Variants in NRSN1 observed in about 807,000 individuals in gnomAD.
NRSN1 encodes neurensin-1.
A neutral mutation model predicts 17.3 loss-of-function variants in NRSN1; 14 were observed. The observed-to-expected ratio is 0.81, with a 90% confidence interval of 0.54 to 1.27. The LOEUF is 1.27. Ranked by LOEUF, NRSN1 falls within the 50% of genes most tolerant of loss-of-function variation. The pLI, the probability that NRSN1 is intolerant of heterozygous loss-of-function variation, is 0.00. For synonymous variants in NRSN1, 79 were observed against 94.2 expected (o/e 0.84, Z 0.93); for missense variants, 209 against 235.9 (o/e 0.89, Z 0.75).
intron 3 of NRSN1, among the ~76,000 whole-genome samples, chr6:24,144,491 T>C (rs564371437): frequency 6.6e-6 from 1 of 152,234 alleles, no homozygotes; most frequent in South Asian, 2.1e-4. Context: ...ATGTGGGCTC[T>C]GGTTGGGTGA....
At chr6:24,141,860 G>A (rs187082268) in intron 3 of NRSN1, among the ~76,000 whole-genome samples, 163 of 152,290 alleles carry the variant, frequency 1.1e-3, no homozygotes, top group African/African-American at 3.7e-3. Context: ...GGGGAGGCAA[G>A]ACAGACACAC....
chr6:24,145,427 T>C lies in NRSN1; in HGVS notation c.190-121T>C. ...ATTAAGTAAGTGTTTCCTGCAAATTTGGGGTAACTGGGAATATTCATTTCT... is the reference window on the plus strand; with the variant it reads ...ATTAAGTAAGTGTTTCCTGCAAATTCGGGGTAACTGGGAATATTCATTTCT... On this transcript the variant is annotated intron_variant, in intron 3 of 3. Coordinates refer to ENST00000378491, the MANE Select transcript of NRSN1 (RefSeq NM_080723.5). The surrounding 1 kb of genome is among the most constrained non-coding windows in gnomAD (Gnocchi z 4.4). 1.5e-6 allele frequency: 1 copy of C among 667,950 alleles called. No homozygotes were observed. The highest frequency in any genetic ancestry group is 2.4e-6 in the Non-Finnish European group (1 of 417,914). The allele number at this position is 667,950 out of a possible 1,614,324, so 41.4% of individuals were successfully genotyped here. A position where few individuals can be genotyped will look rare whatever the true frequency, so the allele number is the denominator to read the frequency against.
intron 2 of NRSN1, among the ~76,000 whole-genome samples, chr6:24,130,961 C>A (rs1453292745): frequency 6.6e-6 from 1 of 152,148 alleles, no homozygotes; most frequent in African/African-American, 2.4e-5. Context: ...AATCTCCTGA[C>A]CAGTAAGTTG....
chr6:24,139,432 T>C (rs1251933756), intron 3 of NRSN1, among the ~76,000 whole-genome samples: 3 of 152,142 alleles, frequency 2.0e-5, no homozygotes, highest in Non-Finnish European at 4.4e-5. Flanking sequence ...ATTCAAGAGA[T>C]TTTTATGAGA....
intron 3 of NRSN1, among the ~76,000 whole-genome samples, chr6:24,136,287 A>G (rs544429791): frequency 1.2e-3 from 178 of 152,322 alleles, no homozygotes; most frequent in Non-Finnish European, 2.1e-3. Context: ...CTTAAATGGG[A>G]AAAAAAGTTG....
chr6:24,127,788 A>G (rs1409565344), intron 1 of NRSN1, among the ~76,000 whole-genome samples: 1 of 152,204 alleles, frequency 6.6e-6, no homozygotes, highest in Non-Finnish European at 1.5e-5. Context: ...TTAAATTTAG[A>G]ATTTGTAAAA....
chr6:24,138,994 T>C (rs932652208), intron 3 of NRSN1, among the ~76,000 whole-genome samples: 1 of 152,216 alleles, frequency 6.6e-6, no homozygotes, highest in Non-Finnish European at 1.5e-5. Flanking sequence ...ATCTATTCTT[T>C]CAGCAATTTT....
intron 3 of NRSN1, among the ~76,000 whole-genome samples, chr6:24,142,791 T>C (rs1433193550): frequency 6.6e-6 from 1 of 151,850 alleles, no homozygotes; most frequent in Non-Finnish European, 1.5e-5. Flanking sequence ...GGACCCAGAG[T>C]CAGCAGCAGC....
intron 3 of NRSN1, among the ~76,000 whole-genome samples, chr6:24,137,240 G>A (rs1760130451): frequency 6.6e-6 from 1 of 152,180 alleles, no homozygotes; most frequent in East Asian, 1.9e-4. Flanking sequence ...AATGAGAAAG[G>A]AGATTGAAAT....
chr6:24,141,311 T>C, intron 3 of NRSN1: 1 of 1,186,356 alleles, frequency 8.4e-7, no homozygotes, highest in Non-Finnish European at 1.1e-6. Flanking sequence ...CCTCAATTTT[T>C]ATCCTTTCCA....
chr6:24,134,389 A>G lies in NRSN1; in HGVS notation c.62A>G (p.Tyr21Cys). ...RQAQAAAEGG[Y>C]QRYGVRSYLH... ...GCACAGGCTGCAGCTGAGGGTGGTTACCAGCGCTATGGAGTCCGGTCCTAC... is the reference window on the plus strand; with the variant it reads ...GCACAGGCTGCAGCTGAGGGTGGTTGCCAGCGCTATGGAGTCCGGTCCTAC... Residue 21 changes from tyrosine (Y) to cysteine (C), a missense_variant, in exon 3 of 4, where the codon TAC becomes TGC. By Grantham distance (194) the Tyr-to-Cys change is radical. Coordinates refer to ENST00000378491, the MANE Select transcript of NRSN1 (RefSeq NM_080723.5). The G allele has an allele frequency of 1.2e-6, 2 of 1,614,104 alleles. No individual in the cohort carries two copies.
chr6:24,136,948 A>C (rs1273117889), intron 3 of NRSN1, among the ~76,000 whole-genome samples: 1 of 152,232 alleles, frequency 6.6e-6, no homozygotes, highest in Admixed American at 6.5e-5. Flanking sequence ...CTCCTAAGGA[A>C]TATGAGTGAA....
intron 3 of NRSN1, among the ~76,000 whole-genome samples, chr6:24,139,717 T>C (rs1197287330): frequency 2.6e-5 from 4 of 152,114 alleles, no homozygotes; most frequent in African/African-American, 9.7e-5. Context: ...AGCTTCCAAT[T>C]AAACGCTAAA....
intron 3 of NRSN1, among the ~76,000 whole-genome samples, chr6:24,143,465 G>T (rs1284478160): frequency 6.6e-6 from 1 of 152,102 alleles, no homozygotes; most frequent in Admixed American, 6.5e-5. Context: ...TCCCATTTTT[G>T]CTAGGGTGAT....
intron 3 of NRSN1, among the ~76,000 whole-genome samples, chr6:24,135,436 G>GTT (rs1760102660): frequency 2.0e-5 from 3 of 152,184 alleles, no homozygotes; most frequent in African/African-American, 7.2e-5. Flanking sequence ...CAATCTGGTT[G>GTT]GAGTGGGGTG....
intron 3 of NRSN1, among the ~76,000 whole-genome samples, chr6:24,135,141 C>G (rs1274766714): frequency 6.6e-6 from 1 of 152,150 alleles, no homozygotes; most frequent in African/African-American, 2.4e-5. Flanking sequence ...AGTGACTTCC[C>G]TCATGGAGCT....
intron 3 of NRSN1, among the ~76,000 whole-genome samples, chr6:24,135,735 G>A (rs1331165781): frequency 6.6e-6 from 1 of 152,102 alleles, no homozygotes; most frequent in Non-Finnish European, 1.5e-5. Context: ...TCATAAATTG[G>A]GAGTTATTGA....
chr6:24,141,459 A>C, intron 3 of NRSN1: 9 of 199,114 alleles, frequency 4.5e-5, no homozygotes, highest in South Asian at 1.9e-4. Flanking sequence ...GAATTCCCCA[A>C]TGGGTGCATC....
intron 3 of NRSN1, among the ~76,000 whole-genome samples, chr6:24,136,408 G>T (rs931197840): frequency 6.6e-6 from 1 of 152,252 alleles, no homozygotes; most frequent in African/African-American, 2.4e-5. Flanking sequence ...ATCAGAACTG[G>T]TCAAGTCAGC....
Sources: allele counts gnomAD v4.1 joint callset (sites outside exome capture counted in the v4.1 genomes callset), GRCh38; gene constraint gnomAD v4.1.1; non-coding constraint Gnocchi (gnomAD v3.1); transcripts MANE v1.5; gene names NCBI Gene and HGNC (gene_info 2026-07-23, HGNC 2026-07-21).